USP32: variants seen among roughly 807,000 people sequenced by gnomAD.
USP32 encodes ubiquitin carboxyl-terminal hydrolase 32.
A neutral mutation model predicts 204.8 loss-of-function variants in USP32; 59 were observed. That is an observed-to-expected ratio of 0.29 (90% CI 0.23 to 0.36). The LOEUF (loss-of-function observed/expected upper bound fraction) is 0.36, where lower values mean the gene tolerates loss of function less well. Among genes scored for constraint, USP32 ranks in the 10% least tolerant of loss-of-function variants. The pLI, the probability that USP32 is intolerant of heterozygous loss-of-function variation, is 1.00. For missense variants in USP32, 1,160 were observed against 1,946.4 expected, an observed-to-expected ratio of 0.60 and a Z score of 7.60; for synonymous variants, 517 against 678.4, an observed-to-expected ratio of 0.76 and a Z score of 3.70.
intron 2 of USP32, among the ~76,000 whole-genome samples, chr17:60,331,474 A>G (rs891236386): frequency 1.3e-5 from 2 of 151,500 alleles, no homozygotes; most frequent in African/African-American, 2.4e-5. Context: ...CTGAGGCTGG[A>G]GGATCACTTG....
intron 5 of USP32, among the ~76,000 whole-genome samples, chr17:60,277,098 A>C (rs1229343422): frequency 2.6e-5 from 4 of 152,128 alleles, no homozygotes; most frequent in Non-Finnish European, 5.9e-5. Flanking sequence ...GCAATGCATA[A>C]GTCACTATGA....
Position 60,378,532 on chromosome 17 carries a change from G to A in USP32, c.58+13350C>T, listed in dbSNP as rs146994610. Among the ~76,000 whole-genome samples, 335 of 152,208 alleles carry A rather than the reference G, an allele frequency of 2.2e-3. 1 individual carries two copies. Among genetic ancestry groups the A allele is most frequent in the African/African-American group, 7.6e-3 (314 of 41,548 alleles). On this transcript the variant is annotated intron_variant, in intron 1 of 33. Transcript: ENST00000300896. ...CAACATTATTCACAATAGCCAAAAG[G>A]TGGAAACAACTCAAATATGTCCCAT...
At chr17:60,295,619 C>T (rs1401585270) in intron 3 of USP32, among the ~76,000 whole-genome samples, 4 of 152,178 alleles carry the variant, frequency 2.6e-5, no homozygotes, top group Admixed American at 1.3e-4. Context: ...ACATGCTACT[C>T]GCCTGTTAGT....
At chr17:60,392,247 C>T (rs2089854501), upstream of USP32, 1 of 442,232 alleles carries the variant, frequency 2.3e-6, no homozygotes, top group African/African-American at 2.1e-5. Context: ...CCCCTCCCGC[C>T]AGCTCCGCCG....
intron 2 of USP32, among the ~76,000 whole-genome samples, chr17:60,311,495 C>T (rs545662829): frequency 1.4e-4 from 22 of 152,262 alleles, no homozygotes; most frequent in African/African-American, 4.8e-4. Context: ...ATACCAAAAA[C>T]CTACCTCTTG....
At position 60,357,681 on chromosome 17, in the gene USP32, A is replaced by G. The variant is rs140528683; in HGVS notation, c.59-12073T>C. Among the ~76,000 whole-genome samples, 90 of 152,330 alleles carry G rather than the reference A, an allele frequency of 5.9e-4. 1 individual carries two copies. In the East Asian group the frequency reaches 0.017, roughly 29 times the overall value. ...TTAATAGTAGTTAATATCATTAAAC[A>G]TTCTCAGGCTGAAGCTGAATTAATC... On this transcript the variant is annotated intron_variant, in intron 1 of 33. Transcript: ENST00000300896.
intron 1 of USP32, among the ~76,000 whole-genome samples, chr17:60,384,689 G>T (rs1263299358): frequency 6.6e-6 from 1 of 152,046 alleles, no homozygotes; most frequent in Non-Finnish European, 1.5e-5. Flanking sequence ...CTACTCGGAG[G>T]GCTGAGGCAG....
At chr17:60,318,661 G>A (rs2088041342) in intron 2 of USP32, among the ~76,000 whole-genome samples, 2 of 152,188 alleles carry the variant, frequency 1.3e-5, no homozygotes, top group South Asian at 2.1e-4. Context: ...GACTAGGTCA[G>A]GTGAATTTAC....
chr17:60,179,028 G>T lies in USP32; in HGVS notation c.*227C>A, dbSNP rs2084033793. On this transcript the variant is annotated 3_prime_UTR_variant, in exon 34 of 34. Coordinates refer to ENST00000300896, the MANE Select transcript of USP32 (RefSeq NM_032582.4). Reference sequence around the variant, plus strand: ...ACCTTTTGTTTACAGGCTAATGGTGGGATCTGCCTGAAAGTTCTCTATCGG... The same window carrying T: ...ACCTTTTGTTTACAGGCTAATGGTGTGATCTGCCTGAAAGTTCTCTATCGG... The T allele has an allele frequency of 2.1e-6, 1 of 471,570 alleles. No homozygotes were observed. The highest frequency in any genetic ancestry group is 3.6e-5 in the East Asian group (1 of 27,748). The allele number at this position is 471,570 out of a possible 1,614,324, so 29.2% of individuals were successfully genotyped here.
At chr17:60,190,499 T>C (rs925035302) in intron 29 of USP32, 64 bp downstream of exon 29, 10 of 1,491,728 alleles carry the variant, frequency 6.7e-6, no homozygotes, top group Admixed American at 5.2e-5. Context: ...AATGGCATAA[T>C]AGTTACACTG....
At chr17:60,290,948 C>G (rs1451836868) in intron 4 of USP32, among the ~76,000 whole-genome samples, 1 of 152,108 alleles carries the variant, frequency 6.6e-6, no homozygotes, top group Non-Finnish European at 1.5e-5. Flanking sequence ...ACCCTTCTAC[C>G]ACCTTCATAC....
At chr17:60,262,306 G>A (rs1382882717) in intron 9 of USP32, among the ~76,000 whole-genome samples, 2 of 152,078 alleles carry the variant, frequency 1.3e-5, no homozygotes, top group African/African-American at 4.8e-5. Flanking sequence ...AAGCTCCTGC[G>A]TCAGCCTCCT....
intron 5 of USP32, among the ~76,000 whole-genome samples, chr17:60,282,156 G>T (rs980012296): frequency 6.6e-6 from 1 of 152,142 alleles, no homozygotes; most frequent in Non-Finnish European, 1.5e-5. Context: ...TGCGCACATT[G>T]TAAGAGCAGT....
At chr17:60,349,605 ATATATATATATATATATATT>A (rs1567867191) in intron 1 of USP32, among the ~76,000 whole-genome samples, 92 of 71,836 alleles carry the variant, frequency 1.3e-3, no homozygotes, top group South Asian at 1.9e-3. Context: ...AAATATATAT[ATATATATATATATATATATT>A]ATATATATAT....
intron 1 of USP32, among the ~76,000 whole-genome samples, chr17:60,412,412 G>A (rs539916800): frequency 3.3e-5 from 5 of 152,066 alleles, no homozygotes; most frequent in South Asian, 2.1e-4. Context: ...GAATGGGGGC[G>A]GTGGGGCGGG....
At chr17:60,395,687 C>CT (rs1324714336), upstream of USP32, among the ~76,000 whole-genome samples, 1 of 152,164 alleles carries the variant, frequency 6.6e-6, no homozygotes, top group Non-Finnish European at 1.5e-5. Flanking sequence ...GAAACCATTG[C>CT]TTTAACTATA....
intron 1 of USP32, among the ~76,000 whole-genome samples, chr17:60,362,025 C>T (rs905558275): frequency 6.6e-6 from 1 of 152,130 alleles, no homozygotes; most frequent in Non-Finnish European, 1.5e-5. Flanking sequence ...TACCACAATA[C>T]ACATGGTTAG....
At chr17:60,340,969 C>A (rs1356867985) in intron 2 of USP32, among the ~76,000 whole-genome samples, 1 of 151,792 alleles carries the variant, frequency 6.6e-6, no homozygotes, top group East Asian at 1.9e-4. Context: ...GTTGAAAATT[C>A]TTTTCTTTAA....
Position 60,208,684 on chromosome 17 carries a change from T to C in USP32, c.2743A>G (p.Met915Val), listed in dbSNP as rs781194998. The C allele has an allele frequency of 8.2e-6, 13 of 1,580,688 alleles. No individual in the cohort carries two copies. Among genetic ancestry groups the C allele is most frequent in the Admixed American group, 3.7e-5 (2 of 54,010 alleles). Residue 915 changes from methionine to valine, a missense_variant, in exon 23 of 34, where the codon ATG (methionine) becomes GTG (valine). This residue lies in a region of USP32 where 132 missense variants were observed against 432.8 expected (regional missense o/e 0.30). Coordinates refer to ENST00000300896, the MANE Select transcript of USP32 (RefSeq NM_032582.4). The part of the protein sequence containing the change: ...PFNFLSLPLP[M>V]DSYMHLEITV... The stretch of plus-strand genomic sequence containing the variant: ...ATTTCTAAGTGCATATAACTGTCCA[T>C]TGGTAGTGGCAAAGACAAAAAATTG...
Sources: gnomAD v4.1 joint callset for allele counts (sites outside exome capture counted in the v4.1 genomes callset) on GRCh38, gnomAD v4.1.1 for gene constraint, gnomAD v4.1.1 regional missense constraint, MANE v1.5 for transcripts, NCBI Gene and HGNC (gene_info 2026-07-23, HGNC 2026-07-21) for gene names.